RESP18: variants seen among roughly 807,000 people sequenced by gnomAD.
RESP18 encodes regulated endocrine-specific protein 18.
Under a neutral mutation model 30.0 loss-of-function variants are expected in RESP18, and 30 were observed. That is an observed-to-expected ratio of 1.00 (90% CI 0.75 to 1.36). The LOEUF (loss-of-function observed/expected upper bound fraction) is 1.36. RESP18 is among the 40% of genes most tolerant of loss of function. RESP18 has a pLI of 0.00. For missense variants in RESP18, 320 were observed against 284.2 expected, an observed-to-expected ratio of 1.13 and a Z score of -0.91; for synonymous variants, 117 against 111.2, an observed-to-expected ratio of 1.05 and a Z score of -0.33.
chr2:219,331,145 G>A lies in RESP18; in HGVS notation c.233-270C>T, dbSNP rs114554289. 4 of 344,636 alleles carry A rather than the reference G, an allele frequency of 1.2e-5. No homozygotes were observed. In the South Asian group the frequency reaches 1.3e-4, roughly 11 times the overall value. 21.3% of individuals were successfully genotyped at this position (344,636 alleles called of 1,614,324 possible). ...GAGCAGCCTGTAGAAGTTCAGATGC[G>A]CAGAGGCTCAGAAAGCTGAGCACAT... On this transcript the variant is annotated intron_variant, in intron 2 of 6. Coordinates refer to ENST00000333527, the MANE Select transcript of RESP18 (RefSeq NM_001007089.4).
At chr2:219,329,033 T>G in intron 5 of RESP18, 25 bp from the exon 5 acceptor site, 2 of 1,522,040 alleles carry the variant, frequency 1.3e-6, no homozygotes, top group Non-Finnish European at 1.8e-6. Context: ...AAATTAGAAG[T>G]ACCTTTGATT....
intron 2 of RESP18, among the ~76,000 whole-genome samples, chr2:219,331,514 C>T (rs1423524607): frequency 6.6e-6 from 1 of 152,142 alleles, no homozygotes; most frequent in African/African-American, 2.4e-5. Flanking sequence ...ATTCTCCTAC[C>T]CAGTCAAATG....
In RESP18 at chr2:219,329,567, C is replaced by G. The variant is rs1364654996; in HGVS notation, c.465+70G>C. 1.9e-6 allele frequency: 3 copies of G among 1,544,508 alleles called. No homozygotes were observed. The East Asian group carries it at 7.3e-5, about 38-fold the overall frequency. ...TGGCAACTTCTACCTGCAGTTTTAG[C>G]ACACATTCCTTCCCTGTTCCGTCTG... is the stretch of plus-strand genomic sequence containing the variant. On this transcript the variant is annotated intron_variant, in intron 4 of 6. Transcript: ENST00000333527.
At chr2:219,330,057 G>A (rs1202015298) in intron 3 of RESP18, among the ~76,000 whole-genome samples, 1 of 152,180 alleles carries the variant, frequency 6.6e-6, no homozygotes, top group African/African-American at 2.4e-5. Context: ...TTTAGCATGT[G>A]CATCAGAATC....
chr2:219,328,831 T>C (rs1952799039), intron 6 of RESP18, 93 bp downstream of exon 5: 2 of 725,432 alleles, frequency 2.8e-6, no homozygotes, highest in Admixed American at 2.4e-5. Context: ...AGTGTTGCTA[T>C]CATGTGCTAT....
At chr2:219,333,116 ATAT>A (rs1308257098) in intron 1 of RESP18, 8 of 803,598 alleles carry the variant, frequency 1.0e-5, no homozygotes, top group East Asian at 6.8e-5. Flanking sequence ...TATATATATA[ATAT>A]TATATATTAT....
Position 219,332,609 on chromosome 2 carries a change from A to G in RESP18, c.147T>C (p.Pro49=). The G allele has an allele frequency of 6.4e-7, 1 of 1,551,446 alleles. No homozygotes were observed. Among genetic ancestry groups the G allele is most frequent in the Non-Finnish European group, 8.7e-7 (1 of 1,146,966 alleles). The change falls in exon 2 of 7, where the codon CCT becomes CCC. Residue 49 remains proline (P), a synonymous_variant. Coordinates refer to ENST00000333527, the MANE Select transcript of RESP18 (RefSeq NM_001007089.4). ...GCAGCTGGAGCCCCTCGGAGCTCCC[A>G]GGCCACAGTGGGTGCTGTATCCTCC...
rs553818958 is a variant in RESP18, at chr2:219,330,929, C to G, written c.233-54G>C. 97 of 1,050,408 alleles carry G rather than the reference C, an allele frequency of 9.2e-5. 1 individual carries two copies. The South Asian group carries it at 1.2e-3, about 13-fold the overall frequency. 65.1% of individuals were successfully genotyped at this position (1,050,408 alleles called of 1,614,324 possible). ...GAACCTGGCCAGAGCCTTCCACATC[C>G]CAGTTGAAGAGAAGCAGCTTCCTTG... On this transcript the variant is annotated intron_variant, in intron 2 of 6. Coordinates refer to ENST00000333527, the MANE Select transcript of RESP18 (RefSeq NM_001007089.4).
chr2:219,333,079 A>G, intron 1 of RESP18: 1 of 1,198,210 alleles, frequency 8.3e-7, no homozygotes, highest in Non-Finnish European at 1.1e-6. Context: ...ACCCTTTAGA[A>G]ATCATATAGG....
chr2:219,332,494 C>T, intron 2 of RESP18, 30 bp downstream of exon 1: 8 of 1,527,702 alleles, frequency 5.2e-6, no homozygotes, highest in Non-Finnish European at 7.1e-6. Flanking sequence ...TTTCTTGGCC[C>T]TGCCCGCACC....
chr2:219,328,688 G>A (rs966551981), intron 6 of RESP18, among the ~76,000 whole-genome samples: 1 of 152,140 alleles, frequency 6.6e-6, no homozygotes, highest in Non-Finnish European at 1.5e-5. Flanking sequence ...TTCCATTCTG[G>A]ATTCTGAAGA....
rs1386645433 is a variant in RESP18, at chr2:219,329,782, G to A, written c.338-18C>T. On this transcript the variant is annotated intron_variant, in intron 3 of 6. Coordinates refer to ENST00000333527, the MANE Select transcript of RESP18 (RefSeq NM_001007089.4). ...GAACAGACCTGCAGGATGAAAGGAT[G>A]GGGGGTGAGTTGACACCTGAGACAC... The A allele has an allele frequency of 2.6e-6, 4 of 1,547,696 alleles. No individual in the cohort carries two copies. In the South Asian group the frequency reaches 3.6e-5, roughly 14 times the overall value.
rs763560191 is a variant in RESP18 at position 219,332,511 on chromosome 2, G to T, written c.232+13C>A. On this transcript the variant is annotated intron_variant, in intron 2 of 6. Coordinates refer to ENST00000333527, the MANE Select transcript of RESP18 (RefSeq NM_001007089.4). ...TCTTGGCCCTGCCCGCACCCCCCAGGGTTCCTCCTGACCGTGGGCACTAGT... is the reference window on the plus strand; with the variant it reads ...TCTTGGCCCTGCCCGCACCCCCCAGTGTTCCTCCTGACCGTGGGCACTAGT... 1 of 1,547,246 alleles carries T rather than the reference G, an allele frequency of 6.5e-7. No individual in the cohort carries two copies. Among genetic ancestry groups the T allele is most frequent in the South Asian group, 1.2e-5 (1 of 83,840 alleles).
Position 219,327,539 on chromosome 2 carries a change from C to T in RESP18, c.665G>A (p.Cys222Tyr), listed in dbSNP as rs1952786440. 1 of 1,551,646 alleles carries T rather than the reference C, an allele frequency of 6.4e-7. No individual in the cohort carries two copies. The highest frequency in any genetic ancestry group is 8.7e-7 in the Non-Finnish European group (1 of 1,146,958). The stretch of plus-strand genomic sequence containing the variant: ...CAATCAGCCACAGGGTTGCGGCCCA[C>T]AGTAGGAAGTGGCCCAGAGAAGCCC... Residue 222 changes from cysteine to tyrosine, a missense_variant, in exon 7 of 7, where the codon TGT (cysteine) becomes TAT (tyrosine). Coordinates refer to ENST00000333527, the MANE Select transcript of RESP18 (RefSeq NM_001007089.4).
chr2:219,328,457 T>C (rs907695849), intron 6 of RESP18, among the ~76,000 whole-genome samples: 3 of 152,124 alleles, frequency 2.0e-5, no homozygotes, highest in Admixed American at 1.3e-4. Flanking sequence ...AAAAAACCTC[T>C]TTTTTCAGTG....
intron 2 of RESP18, among the ~76,000 whole-genome samples, 185 bp downstream of exon 1, chr2:219,332,339 C>T (rs189225338): frequency 3.0e-4 from 46 of 152,344 alleles, no homozygotes; most frequent in African/African-American, 1.0e-3. Flanking sequence ...GTCCAGACCC[C>T]ATATGCCCAG....
Position 219,333,155 on chromosome 2 carries a change from C to T in RESP18, c.17+6G>A. On this transcript the variant is annotated splice_donor_region_variant and intron_variant, in intron 1 of 6. Coordinates refer to ENST00000333527, the MANE Select transcript of RESP18 (RefSeq NM_001007089.4). The stretch of plus-strand genomic sequence containing the variant: ...ATATTATATATGGCACATCCATCCA[C>T]TTTACTCCACATCCACTGCCATCGC... The T allele has an allele frequency of 1.3e-6, 2 of 1,531,468 alleles. No individual in the cohort carries two copies. Among genetic ancestry groups the T allele is most frequent in the Non-Finnish European group, 1.8e-6 (2 of 1,136,172 alleles). 94.9% of individuals were successfully genotyped at this position (1,531,468 alleles called of 1,614,324 possible).
intron 2 of RESP18, 135 bp from the exon 2 acceptor site, chr2:219,331,010 C>A: frequency 1.7e-6 from 1 of 600,948 alleles, no homozygotes; most frequent in Non-Finnish European, 3.0e-6. Context: ...GCTTTGTCCA[C>A]TTCAAGTCTT....
At chr2:219,331,730 C>G (rs1016640815) in intron 2 of RESP18, among the ~76,000 whole-genome samples, 2 of 152,112 alleles carry the variant, frequency 1.3e-5, no homozygotes, top group African/African-American at 4.8e-5. Flanking sequence ...CGGCGTGGAC[C>G]CGGAGCGCGC....
Sources: allele counts gnomAD v4.1 joint callset (sites outside exome capture counted in the v4.1 genomes callset), GRCh38; gene constraint gnomAD v4.1.1; transcripts MANE v1.5; gene names NCBI Gene and HGNC (gene_info 2026-07-23, HGNC 2026-07-21).